The following CYBB variants were observed in gnomAD, a reference collection of about 807,000 sequenced individuals.
The protein encoded by CYBB is NADPH oxidase 2.
A neutral mutation model predicts 46.5 loss-of-function variants in CYBB; 5 were observed. The ratio of observed to expected loss-of-function variants is 0.11; its 90% confidence interval spans 0.06 to 0.23. The LOEUF (loss-of-function observed/expected upper bound fraction) is 0.23, where lower values mean the gene tolerates loss of function less well. CYBB is among the 10% of genes least tolerant of loss of function. The pLI is 1.00. For missense variants in CYBB, 307 were observed against 428.3 expected, an observed-to-expected ratio of 0.72 and a Z score of 2.50; for synonymous variants, 183 against 156.7, an observed-to-expected ratio of 1.17 and a Z score of -1.26.
At position 37,805,185 on chromosome X, in the gene CYBB, A is replaced by G. The variant is rs782516491; in HGVS notation, c.1314+17A>G. The G allele has an allele frequency of 2.5e-6, 3 of 1,206,324 alleles. No individual in the cohort carries two copies. The highest frequency in any genetic ancestry group is 4.4e-5 in the Admixed American group (2 of 45,959). On this transcript the variant is annotated intron_variant, in intron 10 of 12. Coordinates refer to ENST00000378588, the MANE Select transcript of CYBB (RefSeq NM_000397.4). ...CTCAAAAAGGTAAGTCCTTTCATTTATCGGAGGGCCTTAGAGCAGTAACCA... is the reference window on the plus strand; with the variant it reads ...CTCAAAAAGGTAAGTCCTTTCATTTGTCGGAGGGCCTTAGAGCAGTAACCA...
intron 3 of CYBB, among the ~76,000 whole-genome samples, chrX:37,791,290 T>G (rs1929192252): frequency 9.0e-6 from 1 of 111,720 alleles, no homozygotes. Context: ...AAAGAGTTAA[T>G]TTGATTATTA....
At chrX:37,794,751 G>C (rs781984909) in intron 5 of CYBB, among the ~76,000 whole-genome samples, 3 of 111,426 alleles carry the variant, frequency 2.7e-5, no homozygotes, top group Non-Finnish European at 3.8e-5. Context: ...TACACTCAAA[G>C]ACAGAAGCTC....
Position 37,811,019 on chromosome X carries a change from G to C in CYBB, c.*102G>C. On this transcript the variant is annotated 3_prime_UTR_variant, in exon 13 of 13. Transcript: ENST00000378588. The stretch of plus-strand genomic sequence containing the variant: ...CCCCCTGCTTAAAAATGGACAAAAA[G>C]AAACTATAATGTAATGGTTTTCCCT... 3.8e-6 allele frequency: 3 copies of C among 789,387 alleles called. No homozygotes were observed. The highest frequency in any genetic ancestry group is 5.6e-6 in the Non-Finnish European group (3 of 540,352). 65.1% of individuals were successfully genotyped at this position (789,387 alleles called of 1,213,427 possible). A position where few individuals can be genotyped will look rare whatever the true frequency, so the allele number is the denominator to read the frequency against.
intron 6 of CYBB, among the ~76,000 whole-genome samples, chrX:37,797,609 A>T (rs1215934794): frequency 8.9e-6 from 1 of 111,898 alleles, no homozygotes; most frequent in African/African-American, 3.2e-5. Context: ...TTTACTTACC[A>T]TGGGAACTTA....
At chrX:37,809,312 C>T (rs192102946) in intron 11 of CYBB, among the ~76,000 whole-genome samples, 11 of 112,061 alleles carry the variant, frequency 9.8e-5, no homozygotes, top group Non-Finnish European at 1.9e-4. Context: ...TCTTTGTTCT[C>T]ATTAGGACGC....
rs189915738 is a variant in CYBB, at chrX:37,801,784, G to A, written c.897+436G>A. 3.0e-3 allele frequency among the ~76,000 whole-genome samples: 328 copies of A among 110,588 alleles called. 1 individual carries two copies. The highest frequency in any genetic ancestry group is 0.014 in the Middle Eastern group (3 of 215). On this transcript the variant is annotated intron_variant, in intron 8 of 12. Transcript: ENST00000378588. ...AAAAGAACCAGAGATCTAAGGGTAG[G>A]TCTCACTGAGGCTGAGCTAGTTTTT...
chrX:37,788,621 A>C (rs1929127721), intron 3 of CYBB, among the ~76,000 whole-genome samples: 1 of 111,658 alleles, frequency 9.0e-6, no homozygotes, highest in Non-Finnish European at 1.9e-5. Flanking sequence ...TGATAATTAT[A>C]CAGGTGAGGA....
intron 10 of CYBB, among the ~76,000 whole-genome samples, chrX:37,805,881 G>T (rs1259653342): frequency 8.9e-6 from 1 of 112,105 alleles, no homozygotes; most frequent in Non-Finnish European, 1.9e-5. Flanking sequence ...TCTAATAACT[G>T]TAAAGATAAA....
At chrX:37,802,232 A>G (rs991487787) in intron 8 of CYBB, among the ~76,000 whole-genome samples, 2 of 111,444 alleles carry the variant, frequency 1.8e-5, no homozygotes, top group Non-Finnish European at 3.8e-5. Context: ...GAAGTCTTGA[A>G]ATATAGGAAA....
intron 5 of CYBB, 62 bp from the exon 6 acceptor site, chrX:37,795,889 C>CGT (rs1569479385): frequency 4.2e-4 from 289 of 689,307 alleles, no homozygotes; most frequent in South Asian, 8.6e-4. Flanking sequence ...TGCTTGCGCA[C>CGT]ATGTGTGTGT....
intron 8 of CYBB, 116 bp downstream of exon 8, chrX:37,801,464 T>C (rs906330192): frequency 1.6e-5 from 9 of 562,131 alleles, no homozygotes; most frequent in African/African-American, 4.5e-5. Context: ...ACCTACAATT[T>C]ATTTCAATTT....
intron 3 of CYBB, among the ~76,000 whole-genome samples, chrX:37,789,495 G>A (rs868914566): frequency 2.2e-4 from 18 of 83,069 alleles, no homozygotes; most frequent in African/African-American, 7.7e-4. Context: ...AAGAAAGAAA[G>A]AGAAAGAAAG....
chrX:37,804,942 G>A, intron 9 of CYBB, 64 bp from the exon 10 acceptor site: 3 of 1,068,604 alleles, frequency 2.8e-6, no homozygotes, highest in East Asian at 3.0e-5. Flanking sequence ...ATAATTATGG[G>A]TGCCCCATCT....
chrX:37,809,046 G>C (rs1298884842), intron 11 of CYBB, among the ~76,000 whole-genome samples: 11 of 112,064 alleles, frequency 9.8e-5, no homozygotes, highest in Non-Finnish European at 2.1e-4. Context: ...ACATATGTGC[G>C]TGCACACACA....
intron 10 of CYBB, 80 bp from the exon 11 acceptor site, chrX:37,806,307 G>T: frequency 1.9e-6 from 2 of 1,050,730 alleles, no homozygotes; most frequent in South Asian, 3.7e-5. Flanking sequence ...AAGTTTAGGT[G>T]ACAGAAAGTG....
intron 11 of CYBB, among the ~76,000 whole-genome samples, chrX:37,807,804 A>G (rs1388350747): frequency 3.6e-5 from 4 of 111,798 alleles, no homozygotes; most frequent in Non-Finnish European, 7.5e-5. Context: ...AAAGTAGCCA[A>G]TAGTTCTCAA....
intron 10 of CYBB, among the ~76,000 whole-genome samples, chrX:37,805,644 T>C (rs1929544821): frequency 1.8e-5 from 2 of 111,489 alleles, no homozygotes; most frequent in Admixed American, 1.9e-4. Flanking sequence ...GAGAGGATAT[T>C]GAATAATTTT....
chrX:37,801,103 T>C (rs1460142938), intron 7 of CYBB, among the ~76,000 whole-genome samples, 153 bp from the exon 8 acceptor site: 1 of 112,442 alleles, frequency 8.9e-6, no homozygotes, highest in Admixed American at 9.4e-5. Context: ...TATTTTCATA[T>C]ATTCCATTGT....
rs1556468323 is a variant in CYBB at position 37,795,982 on chromosome X, C to A, written c.515C>A (p.Thr172Asn). 1 of 1,207,118 alleles carries A rather than the reference C, an allele frequency of 8.3e-7. No homozygotes were observed. The highest frequency in any genetic ancestry group is 2.2e-5 in the Admixed American group (1 of 45,693). The part of the protein sequence containing the change: ...NPEGGLYLAV[T>N]LLAGITGVVI... ...GAAGGAGGCCTGTACCTGGCTGTGA[C>A]CCTGTTGGCAGGCATCACTGGAGTT... is the stretch of plus-strand genomic sequence containing the variant. Residue 172 changes from threonine (T) to asparagine (N), a missense_variant, in exon 6 of 13, where the codon ACC becomes AAC. Physicochemically the swap from Thr to Asn is moderately conservative, Grantham distance 65. Around this residue, in one of 3 missense-constraint regions of CYBB, gnomAD observed 103 missense variants for 150.2 expected, o/e 0.69. Transcript: ENST00000378588.
Sources: allele counts gnomAD v4.1 joint callset (sites outside exome capture counted in the v4.1 genomes callset), GRCh38; gene constraint gnomAD v4.1.1; regional missense constraint gnomAD v4.1.1; transcripts MANE v1.5; gene names NCBI Gene and HGNC (gene_info 2026-07-23, HGNC 2026-07-21).